The following KCNMB2 variants were observed in gnomAD, a reference collection of about 807,000 sequenced individuals.
KCNMB2 encodes potassium calcium-activated channel subfamily M regulatory beta subunit 2, also known as calcium-activated potassium channel subunit beta-2.
A neutral mutation model predicts 24.5 loss-of-function variants in KCNMB2; 9 were observed. That is an observed-to-expected ratio of 0.37 (90% CI 0.22 to 0.64). KCNMB2 has a LOEUF of 0.64. Ranked by LOEUF, KCNMB2 falls within the 30% of genes least tolerant of loss-of-function variation. The pLI, the probability that KCNMB2 is intolerant of heterozygous loss-of-function variation, is 0.63. For synonymous variants in KCNMB2, 109 were observed against 104.4 expected, an observed-to-expected ratio of 1.04 and a Z score of -0.27; for missense variants, 226 against 284.3, an observed-to-expected ratio of 0.79 and a Z score of 1.47.
chr3:178,601,755 A>G (rs1225039212), intron 1 of KCNMB2, among the ~76,000 whole-genome samples: 2 of 152,186 alleles, frequency 1.3e-5, no homozygotes, highest in Non-Finnish European at 2.9e-5. Flanking sequence ...GAAAAAGCAG[A>G]TTACCTAAGA....
chr3:178,568,969 T>C (rs1366691992), intron 1 of KCNMB2, among the ~76,000 whole-genome samples: 1 of 152,186 alleles, frequency 6.6e-6, no homozygotes, highest in Non-Finnish European at 1.5e-5. Flanking sequence ...AGAACTGTTT[T>C]GGATATAAAT....
chr3:178,678,840 T>C (rs1560162460), intron 1 of KCNMB2, among the ~76,000 whole-genome samples: 1 of 152,224 alleles, frequency 6.6e-6, no homozygotes, highest in African/African-American at 2.4e-5. Flanking sequence ...AGCATGGTTA[T>C]GGCTTTCTCA....
At chr3:178,835,059 G>A (rs1381612745) in intron 4 of KCNMB2, among the ~76,000 whole-genome samples, 1 of 151,556 alleles carries the variant, frequency 6.6e-6, no homozygotes. Context: ...TCTGGATATT[G>A]TCTAATCCCA....
At chr3:178,700,960 A>G (rs937527596) in intron 1 of KCNMB2, among the ~76,000 whole-genome samples, 3 of 152,176 alleles carry the variant, frequency 2.0e-5, no homozygotes, top group African/African-American at 4.8e-5. Flanking sequence ...CTTTAGTTTA[A>G]TTAGATCCCG....
intron 1 of KCNMB2, among the ~76,000 whole-genome samples, chr3:178,753,821 G>A (rs1723929755): frequency 6.6e-6 from 1 of 151,874 alleles, no homozygotes; most frequent in Admixed American, 6.6e-5. Flanking sequence ...TACTTTCATA[G>A]CAGTTTTCAA....
intron 1 of KCNMB2, among the ~76,000 whole-genome samples, chr3:178,775,328 T>C (rs1178713795): frequency 6.6e-6 from 1 of 152,158 alleles, no homozygotes; most frequent in South Asian, 2.1e-4. Context: ...ACACCTACTA[T>C]GTGTTATATA....
intron 1 of KCNMB2, among the ~76,000 whole-genome samples, chr3:178,708,822 G>A (rs1446711232): frequency 1.3e-5 from 2 of 152,116 alleles, no homozygotes; most frequent in East Asian, 1.9e-4. Context: ...AGATAGATTT[G>A]AACCTAAGTG....
chr3:178,827,261 C>T (rs1474440682), intron 3 of KCNMB2, among the ~76,000 whole-genome samples: 1 of 152,052 alleles, frequency 6.6e-6, no homozygotes, highest in Non-Finnish European at 1.5e-5. Context: ...ACCAGTTGAC[C>T]AATGGGCAGC....
At chr3:178,588,805 C>T (rs1054990027) in intron 1 of KCNMB2, among the ~76,000 whole-genome samples, 1 of 152,066 alleles carries the variant, frequency 6.6e-6, no homozygotes, top group Non-Finnish European at 1.5e-5. Flanking sequence ...GGGCAATTAC[C>T]ACAGTACTCT....
chr3:178,757,746 A>ATG (rs1724182706), intron 1 of KCNMB2, among the ~76,000 whole-genome samples: 2 of 89,410 alleles, frequency 2.2e-5, no homozygotes, highest in East Asian at 3.4e-4. Flanking sequence ...GGATATATAT[A>ATG]TATAAGAGGA....
intron 1 of KCNMB2, among the ~76,000 whole-genome samples, chr3:178,777,350 C>G (rs1376983928): frequency 6.6e-6 from 1 of 152,162 alleles, no homozygotes; most frequent in African/African-American, 2.4e-5. Context: ...AGGAGAATTC[C>G]TTGAACCTGG....
chr3:178,627,766 T>C (rs1719173190), intron 1 of KCNMB2, among the ~76,000 whole-genome samples: 2 of 152,226 alleles, frequency 1.3e-5, no homozygotes, highest in East Asian at 1.9e-4. Context: ...TAAAATTGTA[T>C]TGAAATAAGT....
At chr3:178,760,405 A>G in intron 1 of KCNMB2, among the ~76,000 whole-genome samples, 1 of 137,238 alleles carries the variant, frequency 7.3e-6, no homozygotes, top group East Asian at 2.0e-4. Flanking sequence ...TATCCAAGAT[A>G]TATATATTAT....
At chr3:178,681,780 T>C (rs552107648) in intron 1 of KCNMB2, among the ~76,000 whole-genome samples, 1 of 152,174 alleles carries the variant, frequency 6.6e-6, no homozygotes, top group Non-Finnish European at 1.5e-5. Flanking sequence ...AAATGTATTT[T>C]GTGTTTCTTT....
chr3:178,785,086 T>A (rs1577186520), intron 1 of KCNMB2, among the ~76,000 whole-genome samples: 1 of 151,956 alleles, frequency 6.6e-6, no homozygotes, highest in East Asian at 1.9e-4. Context: ...GAAAAAGAAT[T>A]AAAGATGAAA....
intron 1 of KCNMB2, among the ~76,000 whole-genome samples, chr3:178,603,361 TG>T (rs999531784): frequency 6.6e-6 from 1 of 151,808 alleles, no homozygotes. Flanking sequence ...TGGGAAGGTA[TG>T]GAGATAGAGA....
intron 1 of KCNMB2, among the ~76,000 whole-genome samples, chr3:178,718,970 A>G (rs1258276680): frequency 1.3e-5 from 2 of 152,164 alleles, no homozygotes; most frequent in Non-Finnish European, 2.9e-5. Flanking sequence ...GGGGTTTAAC[A>G]CAAGCTATGG....
rs138752605 is a variant in KCNMB2, at chr3:178,766,287, G to C, written c.-67-41056G>C. ...TAGCGCCCTATACCCTCAAATTCCT[G>C]GGCTCAAGCGATCCTCCTGCCTTGG... On this transcript the variant is annotated intron_variant, in intron 1 of 4. Transcript: ENST00000452583. Among the ~76,000 whole-genome samples the C allele has an allele frequency of 1.9e-3, 292 of 152,184 alleles. 2 individuals carry two copies. The highest frequency in any genetic ancestry group is 6.7e-3 in the African/African-American group (280 of 41,518).
At chr3:178,637,946 C>A (rs1038552548) in intron 1 of KCNMB2, among the ~76,000 whole-genome samples, 1 of 152,082 alleles carries the variant, frequency 6.6e-6, no homozygotes. Context: ...TGAGGAGTCC[C>A]AGCACCCTCT....
Sources: gnomAD v4.1 joint callset for allele counts (sites outside exome capture counted in the v4.1 genomes callset) on GRCh38, gnomAD v4.1.1 for gene constraint, MANE v1.5 for transcripts, NCBI Gene and HGNC (gene_info 2026-07-23, HGNC 2026-07-21) for gene names.